STK4: variants seen among roughly 807,000 people sequenced by gnomAD.
STK4 encodes serine/threonine kinase 4, also known as serine/threonine-protein kinase 4.
In STK4, 30 loss-of-function variants were observed where a neutral mutation model predicts 64.9. That is an observed-to-expected ratio of 0.46 (90% CI 0.35 to 0.63). STK4 has a LOEUF of 0.63. STK4 is among the 20% of genes least tolerant of loss of function. The pLI is 0.01. For synonymous variants in STK4, 177 were observed against 199.0 expected (o/e 0.89, Z 0.93); for missense variants, 466 against 598.5 (o/e 0.78, Z 2.31).
intron 10 of STK4, among the ~76,000 whole-genome samples, chr20:45,070,100 G>T (rs1410908455): frequency 6.6e-6 from 1 of 152,212 alleles, no homozygotes; most frequent in Admixed American, 6.5e-5. Flanking sequence ...GCTGGAAAAA[G>T]TATGGCCTGT....
intron 10 of STK4, among the ~76,000 whole-genome samples, chr20:45,035,311 A>T (rs1336122964): frequency 6.6e-6 from 1 of 152,190 alleles, no homozygotes; most frequent in Non-Finnish European, 1.5e-5. Flanking sequence ...AACTTAAAAG[A>T]AATAAATAGA....
At chr20:45,022,290 T>C (rs1323241462) in intron 9 of STK4, among the ~76,000 whole-genome samples, 1 of 152,268 alleles carries the variant, frequency 6.6e-6, no homozygotes, top group Non-Finnish European at 1.5e-5. Context: ...CTTTAGTTTT[T>C]GGAACTTCGA....
chr20:44,967,732 G>A (rs958063547), intron 1 of STK4, among the ~76,000 whole-genome samples: 1 of 152,206 alleles, frequency 6.6e-6, no homozygotes, highest in South Asian at 2.1e-4. Flanking sequence ...GCACTCTTAG[G>A]GGTTGTTTGA....
chr20:45,073,279 T>C (rs1296697630), intron 10 of STK4, among the ~76,000 whole-genome samples: 1 of 152,096 alleles, frequency 6.6e-6, no homozygotes, highest in Non-Finnish European at 1.5e-5. Flanking sequence ...TCAGCCCGAC[T>C]TTCCAGCATT....
At chr20:45,051,607 G>C (rs1057214461) in intron 10 of STK4, among the ~76,000 whole-genome samples, 2 of 152,190 alleles carry the variant, frequency 1.3e-5, no homozygotes, top group Non-Finnish European at 2.9e-5. Flanking sequence ...CTGCAGCGAT[G>C]CATTGCTCTA....
At chr20:45,001,773 A>G (rs1036720546) in intron 9 of STK4, among the ~76,000 whole-genome samples, 2 of 152,196 alleles carry the variant, frequency 1.3e-5, no homozygotes, top group African/African-American at 4.8e-5. Context: ...AAGTTTACCA[A>G]TACTGTCAGT....
rs998854875 is a variant in STK4, at chr20:44,982,063, TG to T, written c.360+122del. On this transcript the variant is annotated intron_variant, in intron 4 of 10. Coordinates refer to ENST00000372806, the MANE Select transcript of STK4 (RefSeq NM_006282.5). ...CGACTGTCAGATTTCCCCTTTTCCA[TG>T]GTTATTTTCCATCTTTATTCTTTTA... 3.6e-5 allele frequency: 25 copies of T among 691,488 alleles called. No homozygotes were observed. The African/African-American group carries it at 4.4e-4, about 12-fold the overall frequency. The allele number at this position is 691,488 out of a possible 1,614,324, so 42.8% of individuals were successfully genotyped here. A position where few individuals can be genotyped will look rare whatever the true frequency, so the allele number is the denominator to read the frequency against.
At chr20:45,074,955 T>C in intron 10 of STK4, 63 bp from the exon 11 acceptor site, 3 of 1,600,546 alleles carry the variant, frequency 1.9e-6, no homozygotes, top group Non-Finnish European at 1.7e-6. Context: ...AAGGCTGGGC[T>C]TCTGCACTGT....
At chr20:45,054,250 T>C (rs1440871410) in intron 10 of STK4, among the ~76,000 whole-genome samples, 1 of 152,112 alleles carries the variant, frequency 6.6e-6, no homozygotes, top group Non-Finnish European at 1.5e-5. Flanking sequence ...GTAGTAGATG[T>C]TGGGTGACAT....
chr20:45,066,292 G>C (rs1373615939), intron 10 of STK4, among the ~76,000 whole-genome samples: 1 of 152,054 alleles, frequency 6.6e-6, no homozygotes, highest in Non-Finnish European at 1.5e-5. Context: ...TTGTGGATAG[G>C]GGGGACTACT....
At chr20:44,990,251 C>A (rs1044688535) in intron 5 of STK4, among the ~76,000 whole-genome samples, 2 of 152,100 alleles carry the variant, frequency 1.3e-5, no homozygotes, top group Admixed American at 6.6e-5. Context: ...ACAAGTTTTG[C>A]ATGTATTTGG....
chr20:45,007,999 T>A (rs1429564448), intron 9 of STK4, among the ~76,000 whole-genome samples: 3 of 152,140 alleles, frequency 2.0e-5, no homozygotes, highest in African/African-American at 7.2e-5. Flanking sequence ...GGTTTTCTGT[T>A]TTTGTGTTAG....
chr20:44,967,060 A>T (rs1487026447), intron 1 of STK4: 6 of 800,822 alleles, frequency 7.5e-6, no homozygotes, highest in Non-Finnish European at 9.1e-6. Flanking sequence ...CGGTGGGGGG[A>T]TCTGTGGAGG....
intron 10 of STK4, among the ~76,000 whole-genome samples, chr20:45,058,101 C>A (rs940963568): frequency 2.6e-5 from 4 of 151,426 alleles, no homozygotes. Context: ...CTACCCCTAT[C>A]TAGACCTATT....
At chr20:44,982,261 C>T (rs1454014454) in intron 4 of STK4, among the ~76,000 whole-genome samples, 1 of 151,682 alleles carries the variant, frequency 6.6e-6, no homozygotes, top group African/African-American at 2.4e-5. Flanking sequence ...GGACTACAGG[C>T]GTGTACCACC....
At chr20:45,074,549 C>T (rs930616927) in intron 10 of STK4, among the ~76,000 whole-genome samples, 6 of 151,896 alleles carry the variant, frequency 4.0e-5, no homozygotes, top group South Asian at 2.1e-4. Flanking sequence ...ATGGCATCTG[C>T]GCCTCATCAG....
intron 3 of STK4, among the ~76,000 whole-genome samples, chr20:44,979,050 C>T (rs2067390576): frequency 6.6e-6 from 1 of 152,096 alleles, no homozygotes; most frequent in African/African-American, 2.4e-5. Flanking sequence ...ATCTGCCTGC[C>T]TCGGCCAAGT....
chr20:44,997,407 G>T, intron 7 of STK4, 101 bp downstream of exon 7: 1 of 1,449,814 alleles, frequency 6.9e-7, no homozygotes, highest in East Asian at 2.4e-5. Context: ...GAAGTATAAG[G>T]CAGGCTGGGT....
intron 9 of STK4, among the ~76,000 whole-genome samples, chr20:45,006,887 G>C (rs2067956131): frequency 1.3e-5 from 2 of 152,114 alleles, no homozygotes; most frequent in African/African-American, 2.4e-5. Flanking sequence ...CTTGCCTTCT[G>C]CCTTATCCTG....
Sources: gnomAD v4.1 joint callset for allele counts (sites outside exome capture counted in the v4.1 genomes callset) on GRCh38, gnomAD v4.1.1 for gene constraint, MANE v1.5 for transcripts, NCBI Gene and HGNC (gene_info 2026-07-23, HGNC 2026-07-21) for gene names.